ANKS1B: variants seen among roughly 807,000 people sequenced by gnomAD.
ANKS1B encodes ankyrin repeat and sterile alpha motif domain-containing protein 1B.
ANKS1B carries 36 observed loss-of-function variants against 148.3 expected under a neutral mutation model. The observed-to-expected ratio is 0.24, with a 90% CI of 0.19 to 0.32. ANKS1B has a LOEUF of 0.32. Among genes scored for constraint, ANKS1B ranks in the 10% least tolerant of loss-of-function variants. ANKS1B has a pLI of 1.00. For synonymous variants in ANKS1B, 542 were observed against 560.8 expected, an observed-to-expected ratio of 0.97 and a Z score of 0.47; for missense variants, 1,157 against 1,542.6, an observed-to-expected ratio of 0.75 and a Z score of 4.19.
At chr12:98,923,619 G>C (rs77049708) in intron 17 of ANKS1B, among the ~76,000 whole-genome samples, 2 of 152,158 alleles carry the variant, frequency 1.3e-5, no homozygotes, top group African/African-American at 4.8e-5. Context: ...GAGTGAATCT[G>C]TAGAAACCAC....
At chr12:99,977,921 C>T (rs1179383745) in intron 1 of ANKS1B, among the ~76,000 whole-genome samples, 3 of 152,156 alleles carry the variant, frequency 2.0e-5, no homozygotes, top group Admixed American at 1.3e-4. Flanking sequence ...AAAACGGAAA[C>T]TAAAGACACT....
intron 17 of ANKS1B, among the ~76,000 whole-genome samples, chr12:98,979,622 C>T (rs113723465): frequency 0.018 from 2,722 of 151,998 alleles, 31 homozygotes; most frequent in Non-Finnish European, 0.028. Context: ...GAATTTCTTA[C>T]CTTTGTTACT....
At chr12:98,798,908 G>A (rs763187469) in intron 22 of ANKS1B, 26 bp downstream of exon 22, 2 of 1,595,366 alleles carry the variant, frequency 1.3e-6, no homozygotes, top group Admixed American at 3.5e-5. Flanking sequence ...TCAGCTACTA[G>A]AAATAAAGTA....
At chr12:99,243,863 C>G (rs897534462) in intron 14 of ANKS1B, among the ~76,000 whole-genome samples, 9 of 151,986 alleles carry the variant, frequency 5.9e-5, no homozygotes, top group African/African-American at 2.2e-4. Flanking sequence ...ATGCAAGGGC[C>G]TCTTGCGGGG....
intron 9 of ANKS1B, among the ~76,000 whole-genome samples, chr12:99,569,275 A>T (rs1163811575): frequency 1.3e-5 from 2 of 152,230 alleles, no homozygotes; most frequent in Non-Finnish European, 2.9e-5. Flanking sequence ...CTAACACAGC[A>T]GTGTAGCGAG....
intron 17 of ANKS1B, among the ~76,000 whole-genome samples, chr12:98,997,870 G>T (rs2099930648): frequency 6.6e-6 from 1 of 152,018 alleles, no homozygotes; most frequent in Non-Finnish European, 1.5e-5. Flanking sequence ...TAATTTCTTT[G>T]TTAAAATGGT....
At chr12:99,247,751 T>C (rs2074055432) in intron 12 of ANKS1B, among the ~76,000 whole-genome samples, 1 of 152,214 alleles carries the variant, frequency 6.6e-6, no homozygotes, top group South Asian at 2.1e-4. Context: ...TGTAAAAACC[T>C]GGCCAAAGAA....
intron 11 of ANKS1B, among the ~76,000 whole-genome samples, chr12:99,426,994 C>T (rs1033149963): frequency 7.9e-5 from 12 of 152,162 alleles, no homozygotes; most frequent in Admixed American, 6.5e-5. Context: ...CTAAATTCAA[C>T]TCTATGGTAA....
chr12:99,812,510 GCC>G lies in ANKS1B; in HGVS notation c.216-201_216-200del, dbSNP rs2068495766. Among the ~76,000 whole-genome samples the G allele has an allele frequency of 7.9e-5, 8 of 101,852 alleles. No homozygotes were observed. The South Asian group carries it at 2.4e-3, about 31-fold the overall frequency. The allele number at this position is 101,852 out of a possible 152,430, so 66.8% of individuals were successfully genotyped here. On this transcript the variant is annotated intron_variant, in intron 2 of 26. Coordinates refer to ENST00000683438, the MANE Select transcript of ANKS1B (RefSeq NM_001352186.2). ...CTTACCTGGAAAACCATCACCCCAT[GCC>G]ACACACACACACACACACACACACA...
At chr12:99,581,284 G>T (rs2153228678) in intron 9 of ANKS1B, among the ~76,000 whole-genome samples, 1 of 152,198 alleles carries the variant, frequency 6.6e-6, no homozygotes, top group Admixed American at 6.5e-5. Context: ...TTTCTACAGT[G>T]ACACCAAGGT....
chr12:99,424,644 C>CAT (rs2095201128), intron 11 of ANKS1B, among the ~76,000 whole-genome samples: 1 of 148,430 alleles, frequency 6.7e-6, no homozygotes, highest in South Asian at 2.1e-4. Flanking sequence ...CACACACACA[C>CAT]ACATACACAC....
At chr12:99,754,083 T>C (rs6538939) in intron 8 of ANKS1B, among the ~76,000 whole-genome samples, 65,917 of 151,246 alleles carry the variant, frequency 0.44, 14,669 homozygotes, top group South Asian at 0.61. Context: ...AGAACCAAGA[T>C]CCATTGGTAT....
At chr12:98,887,018 G>A (rs1195536090) in intron 17 of ANKS1B, among the ~76,000 whole-genome samples, 1 of 152,138 alleles carries the variant, frequency 6.6e-6, no homozygotes, top group African/African-American at 2.4e-5. Flanking sequence ...AACTCAGTCA[G>A]AATGAAGAAG....
intron 10 of ANKS1B, among the ~76,000 whole-genome samples, chr12:99,486,111 A>G (rs1211606922): frequency 3.3e-5 from 5 of 152,100 alleles, no homozygotes; most frequent in African/African-American, 1.2e-4. Flanking sequence ...GTTTTGTCAT[A>G]TTACCAGAGT....
chr12:98,864,962 T>C (rs1302685766), intron 17 of ANKS1B, among the ~76,000 whole-genome samples: 1 of 152,186 alleles, frequency 6.6e-6, no homozygotes, highest in Non-Finnish European at 1.5e-5. Context: ...ATCTTCAGCA[T>C]ACTACCTCCT....
chr12:99,245,126 A>T (rs970560769), intron 13 of ANKS1B, among the ~76,000 whole-genome samples: 1 of 152,166 alleles, frequency 6.6e-6, no homozygotes, highest in African/African-American at 2.4e-5. Context: ...AAGTGCTAGG[A>T]TTACAGGCAT....
intron 9 of ANKS1B, among the ~76,000 whole-genome samples, chr12:99,631,172 T>C (rs2098156818): frequency 6.6e-6 from 1 of 152,184 alleles, no homozygotes; most frequent in Non-Finnish European, 1.5e-5. Flanking sequence ...CGGGTATGTC[T>C]TTATTAGCAG....
At chr12:99,355,608 T>C (rs2091902158) in intron 12 of ANKS1B, among the ~76,000 whole-genome samples, 1 of 152,188 alleles carries the variant, frequency 6.6e-6, no homozygotes, top group African/African-American at 2.4e-5. Flanking sequence ...AGATTTCATT[T>C]CTCATTTACA....
chr12:99,123,226 C>G (rs936172871), intron 15 of ANKS1B, among the ~76,000 whole-genome samples: 9 of 151,958 alleles, frequency 5.9e-5, no homozygotes, highest in Non-Finnish European at 1.3e-4. Flanking sequence ...GGAAAGGAGA[C>G]AGGTGCTGTG....
Sources: allele counts gnomAD v4.1 joint callset (sites outside exome capture counted in the v4.1 genomes callset), GRCh38; gene constraint gnomAD v4.1.1; transcripts MANE v1.5; gene names NCBI Gene and HGNC (gene_info 2026-07-23, HGNC 2026-07-21).